Variants in ATF1 observed in about 807,000 individuals in gnomAD.
ATF1 encodes cyclic AMP-dependent transcription factor ATF-1.
ATF1 carries 16 observed loss-of-function variants against 34.7 expected under a neutral mutation model. The observed-to-expected ratio is 0.46, with a 90% CI of 0.31 to 0.70. The LOEUF is 0.70. ATF1 is among the 30% of genes least tolerant of loss of function. The probability of loss-of-function intolerance (pLI) is 0.05; values close to 1 mark genes in which losing one functional copy is unlikely to be tolerated. For synonymous variants in ATF1, 105 were observed against 113.1 expected (o/e 0.93, Z 0.46); for missense variants, 255 against 321.6 (o/e 0.79, Z 1.58).
intron 1 of ATF1, among the ~76,000 whole-genome samples, 176 bp from the exon 2 acceptor site, chr12:50,779,964 G>GTTTAAACTTAAACAT (rs1941018619): frequency 6.6e-6 from 1 of 151,904 alleles, no homozygotes; most frequent in Non-Finnish European, 1.5e-5. Flanking sequence ...ATGTTTTTGT[G>GTTTAAACTTAAACAT]GGCCAAAATT....
intron 2 of ATF1, among the ~76,000 whole-genome samples, chr12:50,781,595 C>CCACCACCT (rs1555200174): frequency 2.0e-5 from 3 of 151,988 alleles, no homozygotes; most frequent in Non-Finnish European, 4.4e-5. Context: ...GGATTACAGG[C>CCACCACCT]GCCCACCACC....
At chr12:50,783,382 GTCTT>G (rs1356059923) in intron 2 of ATF1, among the ~76,000 whole-genome samples, 1 of 152,110 alleles carries the variant, frequency 6.6e-6, no homozygotes, top group Non-Finnish European at 1.5e-5. Flanking sequence ...ATAAGGTGGA[GTCTT>G]TCTTTGATTA....
At chr12:50,787,902 C>G (rs1396467825) in intron 2 of ATF1, among the ~76,000 whole-genome samples, 1 of 152,082 alleles carries the variant, frequency 6.6e-6, no homozygotes. Flanking sequence ...ATAGAGCATC[C>G]AAGAACTGTG....
At chr12:50,765,012 C>T (rs1466569019) in intron 1 of ATF1, among the ~76,000 whole-genome samples, 1 of 152,216 alleles carries the variant, frequency 6.6e-6, no homozygotes, top group Non-Finnish European at 1.5e-5. Context: ...AAAACGAAGC[C>T]TGGCATTTCT....
At chr12:50,807,802 G>GT (rs60898769) in intron 3 of ATF1, among the ~76,000 whole-genome samples, 19 of 141,898 alleles carry the variant, frequency 1.3e-4, no homozygotes, top group East Asian at 8.3e-4. Flanking sequence ...TTGTGTGTGT[G>GT]TTTTTTTTTT....
chr12:50,810,623 A>G (rs1382325812), intron 4 of ATF1, among the ~76,000 whole-genome samples: 2 of 152,336 alleles, frequency 1.3e-5, no homozygotes, highest in South Asian at 2.1e-4. Context: ...GTAGAATAGT[A>G]TAACACCGCC....
intron 2 of ATF1, among the ~76,000 whole-genome samples, chr12:50,782,871 G>A (rs1735451550): frequency 6.6e-6 from 1 of 151,556 alleles, no homozygotes; most frequent in Admixed American, 6.6e-5. Context: ...TGTATTTTTA[G>A]TAGAGGTGGG....
chr12:50,810,244 G>GT (rs1399812376), intron 4 of ATF1, among the ~76,000 whole-genome samples: 1 of 141,878 alleles, frequency 7.0e-6, no homozygotes, highest in Non-Finnish European at 1.5e-5. Flanking sequence ...TTGAGGTGGA[G>GT]TTTCGCTCTG....
chr12:50,774,150 G>A (rs1940852561), intron 1 of ATF1, among the ~76,000 whole-genome samples: 1 of 152,012 alleles, frequency 6.6e-6, no homozygotes, highest in Non-Finnish European at 1.5e-5. Flanking sequence ...TCCTGCCTCA[G>A]CCTCCCGAGT....
intron 2 of ATF1, among the ~76,000 whole-genome samples, chr12:50,788,698 C>T (rs1039582799): frequency 7.2e-5 from 11 of 152,146 alleles, no homozygotes; most frequent in African/African-American, 2.7e-4. Context: ...CAAAAACACT[C>T]ACGGCACTTT....
At chr12:50,780,400 A>G (rs773031365) in intron 2 of ATF1, among the ~76,000 whole-genome samples, 162 bp downstream of exon 2, 6 of 151,380 alleles carry the variant, frequency 4.0e-5, no homozygotes, top group Non-Finnish European at 7.4e-5. Flanking sequence ...GCTGGAGTGC[A>G]GTGGCATGAT....
intron 3 of ATF1, among the ~76,000 whole-genome samples, chr12:50,803,244 G>A (rs1444250442): frequency 7.6e-6 from 1 of 132,174 alleles, no homozygotes; most frequent in Non-Finnish European, 1.7e-5. Context: ...CTCCAGCTTG[G>A]GTGACAAGAG....
At position 50,796,017 on chromosome 12, in the gene ATF1, C is replaced by T; in HGVS notation, c.194+8C>T. On this transcript the variant is annotated splice_region_variant and intron_variant, in intron 3 of 6. Coordinates refer to ENST00000262053, the MANE Select transcript of ATF1 (RefSeq NM_005171.5). ...ACGGCGCCCATCTTACAGGTGAGTACTCTCTTGTATGAAGCCCTGCATGTT... is the reference window on the plus strand; with the variant it reads ...ACGGCGCCCATCTTACAGGTGAGTATTCTCTTGTATGAAGCCCTGCATGTT... 1.9e-6 allele frequency: 3 copies of T among 1,593,348 alleles called. No homozygotes were observed. The highest frequency in any genetic ancestry group is 1.4e-5 in the African/African-American group (1 of 73,860).
At chr12:50,778,950 A>G (rs1940994176) in intron 1 of ATF1, among the ~76,000 whole-genome samples, 1 of 152,092 alleles carries the variant, frequency 6.6e-6, no homozygotes. Context: ...GATAGCCACC[A>G]TTCTACTTCC....
At chr12:50,772,988 CAGCTCCTA>C (rs554391064) in intron 1 of ATF1, among the ~76,000 whole-genome samples, 146 of 152,334 alleles carry the variant, frequency 9.6e-4, no homozygotes, top group African/African-American at 3.4e-3. Context: ...TCTCACCATT[CAGCTCCTA>C]CTTATAAGTG....
chr12:50,783,032 G>T (rs1263666285), intron 2 of ATF1, among the ~76,000 whole-genome samples: 1 of 151,772 alleles, frequency 6.6e-6, no homozygotes, highest in Non-Finnish European at 1.5e-5. Context: ...AAGGAAATTT[G>T]CAGAAATGTA....
At position 50,819,927 on chromosome 12, in the gene ATF1, G is replaced by C. The variant is rs995906619; in HGVS notation, c.*148G>C. 34 of 649,228 alleles carry C rather than the reference G, an allele frequency of 5.2e-5. No homozygotes were observed. In the East Asian group the frequency reaches 1.0e-3, roughly 20 times the overall value. 40.2% of individuals were successfully genotyped at this position (649,228 alleles called of 1,614,324 possible). A position where few individuals can be genotyped will look rare whatever the true frequency, so the allele number is the denominator to read the frequency against. On this transcript the variant is annotated 3_prime_UTR_variant, in exon 7 of 7. Coordinates refer to ENST00000262053, the MANE Select transcript of ATF1 (RefSeq NM_005171.5). Reference sequence around the variant, plus strand: ...AAATATCTTACGCACGATATCTAGTGACAGAGGAGAAAGTGGAAAATGACC... The same window carrying C: ...AAATATCTTACGCACGATATCTAGTCACAGAGGAGAAAGTGGAAAATGACC...
chr12:50,786,171 T>C (rs1182073400), intron 2 of ATF1, among the ~76,000 whole-genome samples: 1 of 152,170 alleles, frequency 6.6e-6, no homozygotes, highest in Non-Finnish European at 1.5e-5. Context: ...TTAGGAGTTG[T>C]GGCTATATAG....
At chr12:50,810,999 T>C (rs186993122) in intron 4 of ATF1, among the ~76,000 whole-genome samples, 5 of 152,310 alleles carry the variant, frequency 3.3e-5, no homozygotes, top group East Asian at 3.9e-4. Flanking sequence ...ACATTTAGGA[T>C]CTGCCTACCA....
Sources: allele counts gnomAD v4.1 joint callset (sites outside exome capture counted in the v4.1 genomes callset), GRCh38; gene constraint gnomAD v4.1.1; transcripts MANE v1.5; gene names NCBI Gene and HGNC (gene_info 2026-07-23, HGNC 2026-07-21).